Variants in HTR2A observed in about 807,000 individuals in gnomAD.
The protein encoded by HTR2A is 5-HT2 receptor.
Under a neutral mutation model 31.0 loss-of-function variants are expected in HTR2A, and 14 were observed. That is an observed-to-expected ratio of 0.45 (90% CI 0.30 to 0.71). The LOEUF is 0.71. Ranked by LOEUF, HTR2A falls within the 30% of genes least tolerant of loss-of-function variation. HTR2A has a pLI of 0.09. For synonymous variants in HTR2A, 209 were observed against 225.2 expected (o/e 0.93, Z 0.64); for missense variants, 442 against 573.3 (o/e 0.77, Z 2.34).
intron 3 of HTR2A, among the ~76,000 whole-genome samples, chr13:46,859,559 C>A (rs1950764911): frequency 6.6e-6 from 1 of 151,968 alleles, no homozygotes; most frequent in African/African-American, 2.4e-5. Flanking sequence ...GGTTTACCAC[C>A]ATCCCCCTAG....
At chr13:46,853,161 C>T (rs138554659) in intron 3 of HTR2A, among the ~76,000 whole-genome samples, 140 of 152,094 alleles carry the variant, frequency 9.2e-4, no homozygotes, top group Non-Finnish European at 1.7e-3. Flanking sequence ...ATATAAGATG[C>T]CGTGATTAAT....
chr13:46,878,285 T>C (rs1950931135), intron 3 of HTR2A, among the ~76,000 whole-genome samples: 1 of 152,138 alleles, frequency 6.6e-6, no homozygotes. Flanking sequence ...CTCAACTGCT[T>C]GCATGTGGAG....
intron 3 of HTR2A, among the ~76,000 whole-genome samples, chr13:46,882,110 A>T (rs1361374879): frequency 6.6e-6 from 1 of 152,184 alleles, no homozygotes; most frequent in East Asian, 1.9e-4. Flanking sequence ...AAAGTATGCC[A>T]GTCAAAAGGT....
intron 3 of HTR2A, among the ~76,000 whole-genome samples, chr13:46,867,755 G>C (rs895430952): frequency 1.3e-5 from 2 of 152,184 alleles, no homozygotes; most frequent in African/African-American, 4.8e-5. Context: ...ACTGGGACTT[G>C]TGCAACTACT....
intron 3 of HTR2A, among the ~76,000 whole-genome samples, chr13:46,855,162 C>T (rs74970393): frequency 0.022 from 3,407 of 152,252 alleles, 56 homozygotes; most frequent in Non-Finnish European, 0.032. Flanking sequence ...TTCTGACCTC[C>T]GGAACTGTGA....
At chr13:46,841,824 A>T (rs1950599602) in intron 3 of HTR2A, among the ~76,000 whole-genome samples, 1 of 152,146 alleles carries the variant, frequency 6.6e-6, no homozygotes, top group Non-Finnish European at 1.5e-5. Context: ...TGCAACACTT[A>T]AGAACCCATC....
intron 3 of HTR2A, among the ~76,000 whole-genome samples, chr13:46,865,663 G>A (rs1040145002): frequency 6.6e-6 from 1 of 152,182 alleles, no homozygotes; most frequent in Non-Finnish European, 1.5e-5. Context: ...AAATGTGGCT[G>A]GTGTGACAGA....
rs1008912616 is a variant in HTR2A, at chr13:46,853,746, C to T, written c.614-18107G>A. On this transcript the variant is annotated intron_variant, in intron 3 of 3. Coordinates refer to ENST00000542664, the MANE Select transcript of HTR2A (RefSeq NM_000621.5). ...GGACACTCTTCCAAGGCAGCATCTACGACTCTCAGCTGTCACTCTCAGCTC... is the reference window on the plus strand; with the variant it reads ...GGACACTCTTCCAAGGCAGCATCTATGACTCTCAGCTGTCACTCTCAGCTC... Among the ~76,000 whole-genome samples, 10 of 152,276 alleles carry T rather than the reference C, an allele frequency of 6.6e-5. 1 individual carries two copies. The highest frequency in any genetic ancestry group is 2.1e-4 in the South Asian group (1 of 4,824).
intron 3 of HTR2A, 143 bp from the exon 4 acceptor site, chr13:46,835,782 T>C (rs1030541003): frequency 6.0e-6 from 4 of 670,284 alleles, no homozygotes; most frequent in African/African-American, 5.4e-5. Context: ...TAAAATTCCT[T>C]TGGACTTACA....
intron 3 of HTR2A, among the ~76,000 whole-genome samples, chr13:46,878,969 G>A (rs1950938035): frequency 6.6e-6 from 1 of 152,162 alleles, no homozygotes; most frequent in Admixed American, 6.5e-5. Context: ...ACAGCAGATG[G>A]GATCTGGTTT....
In HTR2A at chr13:46,835,599, A is replaced by G. The variant is rs1285510505; in HGVS notation, c.654T>C (p.Asp218=). 1.9e-6 allele frequency: 3 copies of G among 1,613,982 alleles called. No individual in the cohort carries two copies. The highest frequency in any genetic ancestry group is 2.2e-5 in the South Asian group (2 of 91,070). Residue 218 remains aspartate, a synonymous_variant, in exon 4 of 4, where the codon GAT becomes GAC. Transcript: ENST00000542664. ...AACTCCCCTCCTTAAAGACCTTCGAATCGTCCTGTAGCCCAAAGACTGGTA... is the reference window on the plus strand; with the variant it reads ...AACTCCCCTCCTTAAAGACCTTCGAGTCGTCCTGTAGCCCAAAGACTGGTA... ...MPIPVFGLQD[D]SKVFKEGSCL...
At chr13:46,893,028 T>C (rs570860022) in intron 2 of HTR2A, among the ~76,000 whole-genome samples, 2 of 152,340 alleles carry the variant, frequency 1.3e-5, no homozygotes, top group South Asian at 4.1e-4. Flanking sequence ...CACCTCTTAG[T>C]CATTATTATA....
intron 3 of HTR2A, among the ~76,000 whole-genome samples, chr13:46,837,554 C>T (rs1313751425): frequency 6.6e-6 from 1 of 152,158 alleles, no homozygotes; most frequent in African/African-American, 2.4e-5. Flanking sequence ...CTGCTTCTGA[C>T]CGTCTTTAGA....
intron 3 of HTR2A, 28 bp downstream of exon 3, chr13:46,892,362 T>G: frequency 6.9e-6 from 11 of 1,588,390 alleles, no homozygotes; most frequent in African/African-American, 1.3e-5. Flanking sequence ...TCATTTCAAA[T>G]GAGACTCTGA....
intron 3 of HTR2A, among the ~76,000 whole-genome samples, chr13:46,881,430 C>T (rs917010069): frequency 6.6e-6 from 1 of 152,180 alleles, no homozygotes; most frequent in Non-Finnish European, 1.5e-5. Context: ...CAGGCTGGGG[C>T]AGTGCCTGGA....
Position 46,835,023 on chromosome 13 carries a change from T to C in HTR2A, c.1230A>G (p.Leu410=). Reference sequence around the variant, plus strand: ...AGGCCAAAGCCGGTATTGTGTTCACTAAAATTAACTGCAATGGTTTTTTGT... The same window carrying C: ...AGGCCAAAGCCGGTATTGTGTTCACCAAAATTAACTGCAATGGTTTTTTGT... ...KENKKPLQLI[L]VNTIPALAYK... Residue 410 remains leucine (L), a synonymous_variant, in exon 4 of 4, where the codon TTA becomes TTG. Coordinates refer to ENST00000542664, the MANE Select transcript of HTR2A (RefSeq NM_000621.5). 1 of 1,614,172 alleles carries C rather than the reference T, an allele frequency of 6.2e-7. No individual in the cohort carries two copies. The highest frequency in any genetic ancestry group is 8.5e-7 in the Non-Finnish European group (1 of 1,179,998).
chr13:46,882,113 C>T (rs1246614471), intron 3 of HTR2A, among the ~76,000 whole-genome samples: 2 of 151,448 alleles, frequency 1.3e-5, no homozygotes, highest in Non-Finnish European at 2.9e-5. Context: ...GTATGCCAGT[C>T]AAAAGGTCTA....
At chr13:46,845,622 C>T (rs1950635392) in intron 3 of HTR2A, among the ~76,000 whole-genome samples, 1 of 143,122 alleles carries the variant, frequency 7.0e-6, no homozygotes, top group East Asian at 2.0e-4. Flanking sequence ...ACCTTCACTA[C>T]CATTCATTAA....
chr13:46,834,835 T>C lies in HTR2A; in HGVS notation c.*2A>G. 6.2e-7 allele frequency: 1 copy of C among 1,602,192 alleles called. No individual in the cohort carries two copies. Among genetic ancestry groups the C allele is most frequent in the Middle Eastern group, 1.7e-4 (1 of 5,980 alleles). On this transcript the variant is annotated 3_prime_UTR_variant, in exon 4 of 4. Coordinates refer to ENST00000542664, the MANE Select transcript of HTR2A (RefSeq NM_000621.5). ...TCCACAGTTGCCACGGCAACTAGCCTATCACACACAGCTCACCTTTTCATT... is the reference window on the plus strand; with the variant it reads ...TCCACAGTTGCCACGGCAACTAGCCCATCACACACAGCTCACCTTTTCATT...
Sources: gnomAD v4.1 joint callset for allele counts (sites outside exome capture counted in the v4.1 genomes callset) on GRCh38, gnomAD v4.1.1 for gene constraint, MANE v1.5 for transcripts, NCBI Gene and HGNC (gene_info 2026-07-23, HGNC 2026-07-21) for gene names.